Variants in SLCO1B1 observed in about 807,000 individuals in gnomAD.
The protein encoded by SLCO1B1 is OATP-2.
Under a neutral mutation model 70.1 loss-of-function variants are expected in SLCO1B1, and 81 were observed. The ratio of observed to expected loss-of-function variants is 1.16; its 90% CI spans 0.97 to 1.39. The LOEUF (loss-of-function observed/expected upper bound fraction) is 1.39, where lower values mean the gene tolerates loss of function less well. Among genes scored for constraint, SLCO1B1 ranks in the 40% most tolerant of loss-of-function variants. The probability of loss-of-function intolerance (pLI) is 0.00; values close to 1 mark genes in which losing one functional copy is unlikely to be tolerated. For missense variants in SLCO1B1, 895 were observed against 799.6 expected (o/e 1.12, Z -1.44); for synonymous variants, 283 against 271.5 (o/e 1.04, Z -0.42).
At chr12:21,211,423 G>A (rs1030570113) in intron 11 of SLCO1B1, among the ~76,000 whole-genome samples, 18 of 152,398 alleles carry the variant, frequency 1.2e-4, no homozygotes, top group African/African-American at 4.3e-4. Flanking sequence ...ACTTGATCAT[G>A]GTGGATAAGC....
intron 2 of SLCO1B1, among the ~76,000 whole-genome samples, chr12:21,167,769 T>G (rs1423086493): frequency 1.3e-5 from 2 of 152,020 alleles, no homozygotes; most frequent in African/African-American, 4.8e-5. Flanking sequence ...CACTTTCTGT[T>G]TCTAATTTTT....
At position 21,181,650 on chromosome 12, in the gene SLCO1B1, T is replaced by C. The variant is rs1445981276; in HGVS notation, c.727+2630T>C. Among the ~76,000 whole-genome samples, 3 of 152,176 alleles carry C rather than the reference T, an allele frequency of 2.0e-5. No individual in the cohort carries two copies. In the East Asian group the frequency reaches 5.8e-4, roughly 29 times the overall value. The stretch of plus-strand genomic sequence containing the variant: ...TATGCATATGCTTTTTTATTTCTTA[T>C]TATTTTTCTTTTATTATGGTAAGAA... On this transcript the variant is annotated intron_variant, in intron 7 of 14. Coordinates refer to ENST00000256958, the MANE Select transcript of SLCO1B1 (RefSeq NM_006446.5).
At chr12:21,131,882 A>T (rs1456723191) in intron 1 of SLCO1B1, among the ~76,000 whole-genome samples, 1 of 152,140 alleles carries the variant, frequency 6.6e-6, no homozygotes, top group African/African-American at 2.4e-5. Flanking sequence ...ACATGTGCAC[A>T]ACATGCAGGT....
chr12:21,187,632 G>C (rs1167987519), intron 7 of SLCO1B1, among the ~76,000 whole-genome samples: 2 of 151,304 alleles, frequency 1.3e-5, no homozygotes, highest in African/African-American at 4.9e-5. Flanking sequence ...TAAAAGACTA[G>C]AAGAATTACA....
rs774898417 is a variant in SLCO1B1 at position 21,200,602 on chromosome 12, T to G, written c.1065T>G (p.Ala355=). The G allele has an allele frequency of 3.1e-6, 5 of 1,612,230 alleles. No homozygotes were observed. The highest frequency in any genetic ancestry group is 4.2e-6 in the Non-Finnish European group (5 of 1,178,832). Residue 355 remains alanine (A), a synonymous_variant, in exon 9 of 15, where the codon GCT becomes GCG. Transcript: ENST00000256958. ...TACAAGTAAGCAGCTATATTGGTGC[T>G]TTTACTTATGTCTTCAAATACGTAG... ...TLLQVSSYIG[A]FTYVFKYVEQ...
intron 2 of SLCO1B1, among the ~76,000 whole-genome samples, chr12:21,143,782 G>C (rs914156713): frequency 1.3e-5 from 2 of 151,968 alleles, no homozygotes; most frequent in Non-Finnish European, 2.9e-5. Context: ...GCTTTTATAA[G>C]TGGTGTCTTT....
chr12:21,136,675 G>T (rs1331087941), intron 1 of SLCO1B1, among the ~76,000 whole-genome samples: 1 of 152,108 alleles, frequency 6.6e-6, no homozygotes, highest in Non-Finnish European at 1.5e-5. Flanking sequence ...TTGGTTTTCA[G>T]CTCCATCAAG....
At chr12:21,181,300 G>T (rs573119396) in intron 7 of SLCO1B1, among the ~76,000 whole-genome samples, 1 of 152,198 alleles carries the variant, frequency 6.6e-6, no homozygotes, top group African/African-American at 2.4e-5. Flanking sequence ...GCGCGATTAT[G>T]ACCCTTAGTT....
chr12:21,167,100 T>C (rs1187212633), intron 2 of SLCO1B1, among the ~76,000 whole-genome samples: 1 of 152,170 alleles, frequency 6.6e-6, no homozygotes, highest in African/African-American at 2.4e-5. Flanking sequence ...TTATAAATGC[T>C]TTACCACAAA....
At chr12:21,191,490 G>T (rs1314983130) in intron 7 of SLCO1B1, among the ~76,000 whole-genome samples, 1 of 152,006 alleles carries the variant, frequency 6.6e-6, no homozygotes, top group East Asian at 1.9e-4. Flanking sequence ...CAACTTTACA[G>T]AATGTGTTTA....
intron 11 of SLCO1B1, among the ~76,000 whole-genome samples, chr12:21,214,463 A>C (rs1276232884): frequency 6.7e-6 from 1 of 149,282 alleles, no homozygotes; most frequent in Non-Finnish European, 1.5e-5. Context: ...TGCTCTCTTC[A>C]AAGCTGTCAG....
At chr12:21,152,547 T>TTTTTTTTTTTTTTTTTTTTTTC in intron 2 of SLCO1B1, among the ~76,000 whole-genome samples, 1 of 143,712 alleles carries the variant, frequency 7.0e-6, no homozygotes, top group Non-Finnish European at 1.5e-5. Flanking sequence ...TTTTTTTTTT[T>TTTTTTTTTTTTTTTTTTTTTTC]TTTTGCCTCT....
chr12:21,138,019 A>G (rs568710858), intron 1 of SLCO1B1, among the ~76,000 whole-genome samples: 3 of 152,306 alleles, frequency 2.0e-5, no homozygotes, highest in East Asian at 1.9e-4. Flanking sequence ...TAAGGCCTCA[A>G]TAAATATTAG....
intron 12 of SLCO1B1, among the ~76,000 whole-genome samples, chr12:21,219,510 G>T (rs1416960658): frequency 6.6e-6 from 1 of 152,192 alleles, no homozygotes; most frequent in Non-Finnish European, 1.5e-5. Flanking sequence ...TTCTAAATGT[G>T]TTGAAAGCCC....
In SLCO1B1 at chr12:21,174,558, A is replaced by T; in HGVS notation, c.227-19A>T. The T allele has an allele frequency of 6.2e-7, 1 of 1,611,882 alleles. No homozygotes were observed. Among genetic ancestry groups the T allele is most frequent in the Admixed American group, 1.7e-5 (1 of 59,914 alleles). On this transcript the variant is annotated intron_variant, in intron 3 of 14. Transcript: ENST00000256958. The stretch of plus-strand genomic sequence containing the variant: ...AAATTGAACTAAGCTGTATCAACAT[A>T]ATTTTGTTCCCTTTCTAGGAAATTT...
In SLCO1B1 at chr12:21,172,752, T is replaced by A; in HGVS notation, c.187T>A (p.Ser63Thr). Residue 63 changes from serine to threonine, a missense_variant, in exon 3 of 15, where the codon TCT becomes ACT. By Grantham distance (58) the Ser-to-Thr change is moderately conservative. Transcript: ENST00000256958. ...TATAGAACGGAGATTTGAGATATCC[T>A]CTTCTCTTGTTGGTTTTATTGACGG... ...IHIERRFEIS[S>T]SLVGFIDGSF... 6.2e-7 allele frequency: 1 copy of A among 1,613,566 alleles called. No homozygotes were observed.
chr12:21,171,651 C>T (rs113299351), intron 2 of SLCO1B1, among the ~76,000 whole-genome samples: 3 of 152,084 alleles, frequency 2.0e-5, no homozygotes, highest in Admixed American at 6.6e-5. Flanking sequence ...TAGAAGAGGT[C>T]GTTTAGTCAG....
chr12:21,176,938 A>G (rs1456429613), intron 5 of SLCO1B1, 41 bp downstream of exon 5: 9 of 1,408,958 alleles, frequency 6.4e-6, no homozygotes, highest in Non-Finnish European at 9.0e-6. Flanking sequence ...TCTAAAATGT[A>G]TACATTTAAT....
intron 1 of SLCO1B1, among the ~76,000 whole-genome samples, chr12:21,137,481 C>T (rs1940242044): frequency 6.6e-6 from 1 of 152,206 alleles, no homozygotes; most frequent in Non-Finnish European, 1.5e-5. Flanking sequence ...GGGCTCCACC[C>T]AGTTCGAGCT....
Sources: gnomAD v4.1 joint callset for allele counts (sites outside exome capture counted in the v4.1 genomes callset) on GRCh38, gnomAD v4.1.1 for gene constraint, MANE v1.5 for transcripts, NCBI Gene and HGNC (gene_info 2026-07-23, HGNC 2026-07-21) for gene names.